Variants in CHRNB4 observed in about 807,000 individuals in gnomAD.
The protein encoded by CHRNB4 is cholinergic receptor nicotinic beta 4 subunit.
CHRNB4 carries 23 observed loss-of-function variants against 40.4 expected under a neutral mutation model. That is an observed-to-expected ratio of 0.57 (90% CI 0.41 to 0.81). The LOEUF (loss-of-function observed/expected upper bound fraction) is 0.81, where lower values mean the gene tolerates loss of function less well. Ranked by LOEUF, CHRNB4 falls within the 30% of genes least tolerant of loss-of-function variation. The pLI is 0.00. For missense variants in CHRNB4, 568 were observed against 670.6 expected (o/e 0.85, Z 1.69); for synonymous variants, 285 against 274.4 (o/e 1.04, Z -0.38).
rs2053801069 is a variant in CHRNB4 at position 78,631,191 on chromosome 15, C to G, written c.250-6G>C. On this transcript the variant is annotated splice_polypyrimidine_tract_variant and splice_region_variant and intron_variant, in intron 3 of 5. Transcript: ENST00000261751. ...AGGCGGTAATCAGTCCATTCCTGGACAGACAGGCAAGGCCCTGTCACTTGC... is the reference window on the plus strand; with the variant it reads ...AGGCGGTAATCAGTCCATTCCTGGAGAGACAGGCAAGGCCCTGTCACTTGC... The G allele has an allele frequency of 6.2e-7, 1 of 1,613,854 alleles. No individual in the cohort carries two copies. Among genetic ancestry groups the G allele is most frequent in the South Asian group, 1.1e-5 (1 of 91,086 alleles).
At position 78,629,864 on chromosome 15, in the gene CHRNB4, G is replaced by A. The variant is rs199513768; in HGVS notation, c.441C>T (p.Ala147=). The A allele has an allele frequency of 2.5e-6, 4 of 1,613,800 alleles. No homozygotes were observed. The East Asian group carries it at 8.9e-5, about 36-fold the overall frequency. Residue 147 remains alanine, a synonymous_variant, in exon 5 of 6, where the codon GCC becomes GCT. Coordinates refer to ENST00000261751, the MANE Select transcript of CHRNB4 (RefSeq NM_000750.5). The surrounding 1 kb of genome is among the most constrained non-coding windows in gnomAD (Gnocchi z 6.8). ...CAATCTTGCAGGCGCTCTTGTAGAT[G>A]GCAGGGGGCAGCCACAGGACGCTGC... ...SNGSVLWLPP[A]IYKSACKIEV...
At chr15:78,632,245 C>T (rs28650894) in intron 2 of CHRNB4, among the ~76,000 whole-genome samples, 20 of 86,902 alleles carry the variant, frequency 2.3e-4, no homozygotes, top group African/African-American at 8.9e-4. Context: ...CTCTCTCTCT[C>T]TCTCTCTCTC....
chr15:78,636,105 C>T (rs1464940980), intron 1 of CHRNB4, among the ~76,000 whole-genome samples: 1 of 152,136 alleles, frequency 6.6e-6, no homozygotes, highest in Non-Finnish European at 1.5e-5. Context: ...CAGGGTTTCA[C>T]CATATTGGCC....
chr15:78,625,323 G>A (rs774449431), intron 5 of CHRNB4, 32 bp from the exon 6 acceptor site: 2 of 1,517,076 alleles, frequency 1.3e-6, no homozygotes, highest in South Asian at 2.7e-5. Flanking sequence ...GGTCACAGGT[G>A]CCAAGTACTG....
At chr15:78,626,323 G>T in intron 5 of CHRNB4, 1 of 149,662 alleles carries the variant, frequency 6.7e-6, no homozygotes, top group Non-Finnish European at 1.5e-5. Context: ...CTTTTTAACA[G>T]CCCTAATTTC....
In CHRNB4 at chr15:78,637,731, T is replaced by C. The variant is rs540212552; in HGVS notation, c.56-2144A>G. On this transcript the variant is annotated intron_variant, in intron 1 of 5. Coordinates refer to ENST00000261751, the MANE Select transcript of CHRNB4 (RefSeq NM_000750.5). ...AGCAGCCGCCACCCTGCCGACTTCA[T>C]CCACTTTCCAACTCGCTGCCTATCT... Among the ~76,000 whole-genome samples the C allele has an allele frequency of 5.3e-4, 81 of 152,308 alleles. No individual in the cohort carries two copies. In the Middle Eastern group the frequency reaches 0.01, roughly 19 times the overall value.
At chr15:78,637,816 T>C (rs2053986293) in intron 1 of CHRNB4, among the ~76,000 whole-genome samples, 1 of 152,180 alleles carries the variant, frequency 6.6e-6, no homozygotes, top group African/African-American at 2.4e-5. Flanking sequence ...TGCTGCCTGC[T>C]GCCCCTCCCC....
chr15:78,636,210 G>A (rs1596112089), intron 1 of CHRNB4, among the ~76,000 whole-genome samples: 1 of 151,968 alleles, frequency 6.6e-6, no homozygotes, highest in African/African-American at 2.4e-5. Flanking sequence ...CCCGGTCCTA[G>A]TCCTATCTTT....
chr15:78,633,933 G>A (rs928519315), intron 2 of CHRNB4, among the ~76,000 whole-genome samples: 1 of 150,034 alleles, frequency 6.7e-6, no homozygotes, highest in African/African-American at 2.4e-5. Flanking sequence ...GGAGAGGTGG[G>A]GGTGGGGATG....
At chr15:78,634,634 G>A in intron 2 of CHRNB4, 1 of 445,956 alleles carries the variant, frequency 2.2e-6, no homozygotes, top group Non-Finnish European at 4.5e-6. Context: ...GGCCAGAGGA[G>A]GGTCAGCCCC....
chr15:78,646,218 G>A (rs1246138888), upstream of CHRNB4, among the ~76,000 whole-genome samples: 1 of 152,170 alleles, frequency 6.6e-6, no homozygotes, highest in African/African-American at 2.4e-5. Context: ...AAAGATCCAT[G>A]ACACACGGAA....
At chr15:78,641,049 C>A in intron 1 of CHRNB4, 30 bp downstream of exon 1, 1 of 1,558,486 alleles carries the variant, frequency 6.4e-7, no homozygotes, top group South Asian at 1.2e-5. Context: ...AACCCAGGCG[C>A]CCCTCCCTCC....
Position 78,629,322 on chromosome 15 carries a change from G to C in CHRNB4, c.983C>G (p.Thr328Ser), listed in dbSNP as rs749785122. 1 of 1,614,052 alleles carries C rather than the reference G, an allele frequency of 6.2e-7. No homozygotes were observed. Among genetic ancestry groups the C allele is most frequent in the South Asian group, 1.1e-5 (1 of 91,076 alleles). ...GCAGCGCTTGACCCAGGGTGCCATGGTGTGGGTGCTGGGCGAGCGGTGGTG... is the reference window on the plus strand; with the variant it reads ...GCAGCGCTTGACCCAGGGTGCCATGCTGTGGGTGCTGGGCGAGCGGTGGTG... ...NVHHRSPSTH[T>S]MAPWVKRCFL... The change falls in exon 5 of 6, where the codon ACC becomes AGC. Residue 328 changes from threonine to serine, a missense_variant. Thr to Ser is a moderately conservative substitution (Grantham distance 58). Coordinates refer to ENST00000261751, the MANE Select transcript of CHRNB4 (RefSeq NM_000750.5). This position sits in a 1 kb window ranked among gnomAD's most constrained non-coding sequence, Gnocchi z 6.8.
At chr15:78,632,485 A>T (rs573669651) in intron 2 of CHRNB4, among the ~76,000 whole-genome samples, 21 of 151,958 alleles carry the variant, frequency 1.4e-4, no homozygotes, top group Admixed American at 1.1e-3. Context: ...ATTTTAAAAA[A>T]TTTTTTGTGG....
upstream of CHRNB4, chr15:78,661,215 G>A (rs879188131): frequency 4.9e-6 from 3 of 610,266 alleles, no homozygotes; most frequent in South Asian, 2.7e-5. Context: ...TGCTGCCCTT[G>A]GGGGAGTCCA....
rs2141353277 is a variant in CHRNB4, at chr15:78,624,153, C to G, written c.*980G>C. 6.6e-6 allele frequency: 1 copy of G among 152,188 alleles called. No individual in the cohort carries two copies. The highest frequency in any genetic ancestry group is 2.1e-4 in the South Asian group (1 of 4,824). The allele number at this position is 152,188 out of a possible 1,614,324, so 9.4% of individuals were successfully genotyped here. A position where few individuals can be genotyped will look rare whatever the true frequency, so the allele number is the denominator to read the frequency against. ...TATTGAGCACCTACTGTGTGCCAAG[C>G]TCTGTCCTAGGCCCTGGGGATACTA... On this transcript the variant is annotated 3_prime_UTR_variant, in exon 6 of 6. Coordinates refer to ENST00000261751, the MANE Select transcript of CHRNB4 (RefSeq NM_000750.5).
At chr15:78,636,790 G>T (rs1008472152) in intron 1 of CHRNB4, among the ~76,000 whole-genome samples, 1 of 152,050 alleles carries the variant, frequency 6.6e-6, no homozygotes, top group Non-Finnish European at 1.5e-5. Flanking sequence ...TGCCAAGATT[G>T]CCCCCAGCCC....
intron 1 of CHRNB4, among the ~76,000 whole-genome samples, chr15:78,640,129 C>T (rs970865725): frequency 2.0e-4 from 30 of 152,196 alleles, no homozygotes; most frequent in Non-Finnish European, 8.8e-5. Context: ...GCTATGGCTT[C>T]CTCTCAGATT....
In CHRNB4 at chr15:78,631,197, G is replaced by A. The variant is rs2053801359; in HGVS notation, c.250-12C>T. On this transcript the variant is annotated splice_polypyrimidine_tract_variant and intron_variant, in intron 3 of 5. Coordinates refer to ENST00000261751, the MANE Select transcript of CHRNB4 (RefSeq NM_000750.5). ...TAATCAGTCCATTCCTGGACAGACA[G>A]GCAAGGCCCTGTCACTTGCAGGTCC... 1 of 1,613,796 alleles carries A rather than the reference G, an allele frequency of 6.2e-7. No individual in the cohort carries two copies. Among genetic ancestry groups the A allele is most frequent in the Admixed American group, 1.7e-5 (1 of 60,010 alleles).
Sources: gnomAD v4.1 joint callset for allele counts (sites outside exome capture counted in the v4.1 genomes callset) on GRCh38, gnomAD v4.1.1 for gene constraint, Gnocchi (gnomAD v3.1) non-coding constraint, MANE v1.5 for transcripts, NCBI Gene and HGNC (gene_info 2026-07-23, HGNC 2026-07-21) for gene names.